The following PCSK2 variants were observed in gnomAD, a reference collection of about 807,000 sequenced individuals.
The protein encoded by PCSK2 is neuroendocrine convertase 2.
A neutral mutation model predicts 69.7 loss-of-function variants in PCSK2; 14 were observed. That is an observed-to-expected ratio of 0.20 (90% CI 0.13 to 0.31). PCSK2 has a LOEUF of 0.31. Among genes scored for constraint, PCSK2 ranks in the 10% least tolerant of loss-of-function variants. The probability of loss-of-function intolerance (pLI) is 1.00; values close to 1 mark genes in which losing one functional copy is unlikely to be tolerated. For synonymous variants in PCSK2, 307 were observed against 320.7 expected (o/e 0.96, Z 0.46); for missense variants, 544 against 842.5 (o/e 0.65, Z 4.39).
Position 17,358,455 on chromosome 20 carries a change from G to A in PCSK2, c.396+15G>A. The A allele has an allele frequency of 7.5e-7, 1 of 1,329,310 alleles. No homozygotes were observed. The highest frequency in any genetic ancestry group is 1.1e-6 in the Non-Finnish European group (1 of 920,326). 82.3% of individuals were successfully genotyped at this position (1,329,310 alleles called of 1,614,324 possible). A position where few individuals can be genotyped will look rare whatever the true frequency, so the allele number is the denominator to read the frequency against. On this transcript the variant is annotated intron_variant, in intron 3 of 11. Coordinates refer to ENST00000262545, the MANE Select transcript of PCSK2 (RefSeq NM_002594.5). The stretch of plus-strand genomic sequence containing the variant: ...AGTGGTATCTGGTGAGTGTCTTTAT[G>A]TCCTTTTGGACATTTCCCATCTTGA...
At chr20:17,234,518 C>A (rs1258522690) in intron 1 of PCSK2, among the ~76,000 whole-genome samples, 1 of 152,178 alleles carries the variant, frequency 6.6e-6, no homozygotes, top group Non-Finnish European at 1.5e-5. Flanking sequence ...AGCAAGTGGG[C>A]AACTGGCATG....
chr20:17,369,869 T>C (rs1484279343), intron 5 of PCSK2, among the ~76,000 whole-genome samples: 1 of 152,256 alleles, frequency 6.6e-6, no homozygotes, highest in Non-Finnish European at 1.5e-5. Flanking sequence ...CCCAGCTTTA[T>C]GAAAGTAAGA....
chr20:17,284,043 C>A (rs1988422337), intron 2 of PCSK2, among the ~76,000 whole-genome samples: 1 of 152,184 alleles, frequency 6.6e-6, no homozygotes, highest in Non-Finnish European at 1.5e-5. Context: ...ATCCATGTAG[C>A]CCTGACTTTT....
At chr20:17,338,054 G>T (rs567266081) in intron 2 of PCSK2, among the ~76,000 whole-genome samples, 13 of 151,966 alleles carry the variant, frequency 8.6e-5, no homozygotes, top group African/African-American at 3.1e-4. Flanking sequence ...TTCAGGTCAG[G>T]CAGGCCCTGG....
intron 2 of PCSK2, among the ~76,000 whole-genome samples, chr20:17,328,849 A>G (rs938710400): frequency 1.3e-5 from 2 of 152,174 alleles, no homozygotes; most frequent in Non-Finnish European, 1.5e-5. Context: ...CAGTCATGAA[A>G]TTACACTCAA....
At chr20:17,382,845 G>A (rs1035860798) in intron 5 of PCSK2, among the ~76,000 whole-genome samples, 29 of 152,068 alleles carry the variant, frequency 1.9e-4, no homozygotes, top group Admixed American at 5.9e-4. Context: ...GCTTACTCAC[G>A]ATGAACCAGA....
chr20:17,445,619 A>G (rs1377317825), intron 8 of PCSK2, among the ~76,000 whole-genome samples: 1 of 152,234 alleles, frequency 6.6e-6, no homozygotes, highest in Non-Finnish European at 1.5e-5. Context: ...TTAATCAGGC[A>G]TGGGCGAGGG....
intron 1 of PCSK2, among the ~76,000 whole-genome samples, chr20:17,248,178 GT>G (rs1986839204): frequency 4.6e-5 from 2 of 43,328 alleles, no homozygotes; most frequent in Admixed American, 1.9e-4. Context: ...AAAAAAGGGT[GT>G]GTGTGTGTGT....
intron 11 of PCSK2, among the ~76,000 whole-genome samples, chr20:17,478,717 A>G (rs1174203658): frequency 3.3e-5 from 5 of 152,202 alleles, no homozygotes; most frequent in Non-Finnish European, 5.9e-5. Flanking sequence ...ATTTGTTCAT[A>G]TATTTATTCC....
upstream of PCSK2, among the ~76,000 whole-genome samples, chr20:17,226,746 C>A (rs926543909): frequency 6.6e-6 from 1 of 151,332 alleles, no homozygotes; most frequent in African/African-American, 2.4e-5. Context: ...CGCGGCGGGC[C>A]AGGCTGAGAT....
intron 4 of PCSK2, 101 bp from the exon 5 acceptor site, chr20:17,369,139 G>T (rs1477735514): frequency 3.1e-6 from 3 of 968,460 alleles, no homozygotes; most frequent in Non-Finnish European, 1.6e-6. Context: ...AAGCCTTCTG[G>T]CACCAGCCCC....
At chr20:17,229,503 C>T (rs1360539947) in intron 1 of PCSK2, among the ~76,000 whole-genome samples, 2 of 151,136 alleles carry the variant, frequency 1.3e-5, no homozygotes, top group African/African-American at 4.9e-5. Context: ...CTTCTCTTTG[C>T]TGCCCCCTTT....
At chr20:17,364,006 C>T (rs1234762462) in intron 4 of PCSK2, among the ~76,000 whole-genome samples, 1 of 151,970 alleles carries the variant, frequency 6.6e-6, no homozygotes, top group Admixed American at 6.6e-5. Flanking sequence ...GAGCCTCATT[C>T]AAAATAGCAT....
intron 2 of PCSK2, among the ~76,000 whole-genome samples, chr20:17,343,116 G>A (rs1038755823): frequency 2.0e-5 from 3 of 152,172 alleles, no homozygotes; most frequent in African/African-American, 7.2e-5. Context: ...CTTCTCCAGA[G>A]ACTGACTCTC....
intron 1 of PCSK2, among the ~76,000 whole-genome samples, chr20:17,232,563 C>A (rs1248642509): frequency 6.6e-6 from 1 of 152,104 alleles, no homozygotes; most frequent in Admixed American, 6.5e-5. Context: ...TGTAGGATTT[C>A]TTTACCTATG....
intron 9 of PCSK2, 50 bp downstream of exon 9, chr20:17,454,007 G>T (rs760656714): frequency 6.2e-6 from 10 of 1,606,358 alleles, no homozygotes; most frequent in Non-Finnish European, 8.5e-6. Flanking sequence ...CTGCACCTCT[G>T]TGTCAGGGTG....
Position 17,436,853 on chromosome 20 carries a change from G to T in PCSK2, c.855G>T (p.Thr285=), listed in dbSNP as rs189210077. ...GKTVDGPREL[T]LQAMADGVNK... ...CAGTGGATGGGCCCCGGGAGCTCACGCTGCAGGCCATGGCCGATGGCGTGA... is the reference window on the plus strand; with the variant it reads ...CAGTGGATGGGCCCCGGGAGCTCACTCTGCAGGCCATGGCCGATGGCGTGA... Residue 285 remains threonine (T), a synonymous_variant, in exon 8 of 12, where the codon ACG becomes ACT. Coordinates refer to ENST00000262545, the MANE Select transcript of PCSK2 (RefSeq NM_002594.5). 7.4e-6 allele frequency: 12 copies of T among 1,613,266 alleles called. No individual in the cohort carries two copies. The African/African-American group carries it at 1.1e-4, about 14-fold the overall frequency.
intron 10 of PCSK2, among the ~76,000 whole-genome samples, 199 bp downstream of exon 10, chr20:17,456,647 G>A (rs529680253): frequency 1.1e-4 from 17 of 152,250 alleles, no homozygotes; most frequent in Admixed American, 3.9e-4. Context: ...ACACACACAC[G>A]CACACACCAT....
intron 5 of PCSK2, among the ~76,000 whole-genome samples, chr20:17,392,440 C>T (rs2031406519): frequency 6.6e-6 from 1 of 152,188 alleles, no homozygotes. Flanking sequence ...TTACTCTAGT[C>T]CAATAGCCAA....
Sources: allele counts gnomAD v4.1 joint callset (sites outside exome capture counted in the v4.1 genomes callset), GRCh38; gene constraint gnomAD v4.1.1; transcripts MANE v1.5; gene names NCBI Gene and HGNC (gene_info 2026-07-23, HGNC 2026-07-21).